The following SGCD variants were observed in gnomAD, a reference collection of about 807,000 sequenced individuals.
The protein encoded by SGCD is delta-sarcoglycan.
In SGCD, 18 loss-of-function variants were observed where a neutral mutation model predicts 36.6. The observed-to-expected ratio is 0.49, with a 90% CI of 0.34 to 0.73. The LOEUF is 0.73. Among genes scored for constraint, SGCD ranks in the 30% least tolerant of loss-of-function variants. SGCD has a pLI of 0.01. For synonymous variants in SGCD, 133 were observed against 130.6 expected (o/e 1.02, Z -0.12); for missense variants, 387 against 346.7 (o/e 1.12, Z -0.92).
At chr5:156,013,957 G>A (rs1345631571) in intron 1 of SGCD, among the ~76,000 whole-genome samples, 3 of 149,790 alleles carry the variant, frequency 2.0e-5, no homozygotes, top group South Asian at 2.1e-4. Context: ...TTTTGTCTCC[G>A]AGATATGTTT....
rs768579339 is a variant in SGCD at position 155,893,576 on chromosome 5, T to C, written c.-282+23152T>C. On this transcript the variant is annotated intron_variant, in intron 1 of 9. Transcript: ENST00000517913. The stretch of plus-strand genomic sequence containing the variant: ...TTATCCTAGAGAGGCATAATGAAGA[T>C]GGAAAACGCCTGAATTTAAGTCCCA... Among the ~76,000 whole-genome samples the C allele has an allele frequency of 2.6e-5, 4 of 152,214 alleles. No homozygotes were observed. In the East Asian group the frequency reaches 7.7e-4, roughly 29 times the overall value.
At chr5:155,774,636 CAT>C in the SGCD span, among the ~76,000 whole-genome samples, 1 of 152,022 alleles carries the variant, frequency 6.6e-6, no homozygotes. Flanking sequence ...CTATAAGACA[CAT>C]CACTCCAATC....
chr5:156,095,235 A>T (rs1465773743), intron 1 of SGCD, among the ~76,000 whole-genome samples: 2 of 152,184 alleles, frequency 1.3e-5, no homozygotes, highest in Non-Finnish European at 2.9e-5. Context: ...AAATCTCACC[A>T]CATAGCCTAT....
intron 3 of SGCD, among the ~76,000 whole-genome samples, chr5:156,415,344 A>G (rs536645578): frequency 6.6e-6 from 1 of 152,290 alleles, no homozygotes; most frequent in Non-Finnish European, 1.5e-5. Flanking sequence ...TTTTCCCATC[A>G]TATGGCATTA....
intron 4 of SGCD, among the ~76,000 whole-genome samples, chr5:156,531,751 C>T (rs1433487941): frequency 6.6e-6 from 1 of 152,020 alleles, no homozygotes; most frequent in Non-Finnish European, 1.5e-5. Context: ...ATGCATAAAT[C>T]TAATGTCCAG....
At chr5:156,583,359 C>T (rs192690496) in intron 4 of SGCD, among the ~76,000 whole-genome samples, 2 of 152,312 alleles carry the variant, frequency 1.3e-5, no homozygotes, top group East Asian at 1.9e-4. Flanking sequence ...TGCCAAGCAA[C>T]ACGAGGATTA....
At chr5:155,932,575 G>A (rs1178705211) in intron 1 of SGCD, among the ~76,000 whole-genome samples, 3 of 152,118 alleles carry the variant, frequency 2.0e-5, no homozygotes, top group Non-Finnish European at 4.4e-5. Context: ...ACTGGTTTTT[G>A]GAGCTATTGT....
chr5:155,853,463 C>T, the SGCD span, among the ~76,000 whole-genome samples: 1 of 152,074 alleles, frequency 6.6e-6, no homozygotes, highest in African/African-American at 2.4e-5. Flanking sequence ...AGTTCTGATG[C>T]TATTTGAACA....
intron 3 of SGCD, among the ~76,000 whole-genome samples, chr5:156,235,759 A>G (rs577406386): frequency 1.3e-4 from 20 of 152,346 alleles, no homozygotes; most frequent in African/African-American, 4.3e-4. Flanking sequence ...GTGTCAATTA[A>G]CAAGGTTATA....
intron 3 of SGCD, among the ~76,000 whole-genome samples, chr5:156,406,809 TATATATATATAC>T (rs1315727688): frequency 3.9e-5 from 4 of 102,050 alleles, no homozygotes; most frequent in Admixed American, 1.8e-4. Context: ...TATATATATA[TATATATATATAC>T]ACACACACAC....
chr5:156,416,633 A>G (rs1773052891), intron 3 of SGCD, among the ~76,000 whole-genome samples: 1 of 152,170 alleles, frequency 6.6e-6, no homozygotes. Flanking sequence ...GTCCTGTGTT[A>G]TATGTTGGGG....
intron 2 of SGCD, among the ~76,000 whole-genome samples, chr5:156,336,251 C>T (rs1768349175): frequency 6.6e-6 from 1 of 152,222 alleles, no homozygotes; most frequent in Non-Finnish European, 1.5e-5. Flanking sequence ...CCCAGATATC[C>T]TCATGCTTTA....
intron 4 of SGCD, among the ~76,000 whole-genome samples, chr5:156,554,809 C>T (rs971715154): frequency 6.6e-5 from 10 of 151,996 alleles, no homozygotes; most frequent in Admixed American, 2.6e-4. Flanking sequence ...CTGAGGGAAG[C>T]AATCCAAGTG....
the SGCD span, among the ~76,000 whole-genome samples, chr5:155,825,154 C>A: frequency 2.4e-4 from 36 of 152,138 alleles, no homozygotes; most frequent in African/African-American, 8.0e-4. Context: ...ATTGCGTTTG[C>A]CAGCCATTCA....
intron 1 of SGCD, among the ~76,000 whole-genome samples, chr5:155,995,156 T>C (rs2127565965): frequency 1.3e-5 from 2 of 152,184 alleles, no homozygotes; most frequent in South Asian, 4.2e-4. Context: ...CTGGCAGCAC[T>C]CAGATGAGGG....
the SGCD span, among the ~76,000 whole-genome samples, chr5:155,761,652 CTCA>C: frequency 7.6e-5 from 11 of 145,380 alleles, no homozygotes; most frequent in South Asian, 6.4e-4. Flanking sequence ...CTCCATCATC[CTCA>C]TCATCACTCT....
chr5:156,527,165 CATACT>C, intron 4 of SGCD, among the ~76,000 whole-genome samples: 1 of 152,262 alleles, frequency 6.6e-6, no homozygotes, highest in South Asian at 2.1e-4. Context: ...CAGCCAGACT[CATACT>C]ATAAACACTC....
At chr5:155,861,987 TAGAG>T in the SGCD span, among the ~76,000 whole-genome samples, 1 of 152,152 alleles carries the variant, frequency 6.6e-6, no homozygotes, top group Non-Finnish European at 1.5e-5. Flanking sequence ...GAGAAGGAGA[TAGAG>T]AGAAAGAAGA....
chr5:155,728,125 C>T, the SGCD span, among the ~76,000 whole-genome samples: 1 of 152,146 alleles, frequency 6.6e-6, no homozygotes, highest in African/African-American at 2.4e-5. Flanking sequence ...CCTTCGGGAG[C>T]CTCTCGGCGG....
Sources: allele counts gnomAD v4.1 joint callset (sites outside exome capture counted in the v4.1 genomes callset), GRCh38; gene constraint gnomAD v4.1.1; transcripts MANE v1.5; gene names NCBI Gene and HGNC (gene_info 2026-07-23, HGNC 2026-07-21).